The following ADAMTS9 variants were observed in gnomAD, a reference collection of about 807,000 sequenced individuals.
ADAMTS9 encodes A disintegrin and metalloproteinase with thrombospondin motifs 9.
Under a neutral mutation model 257.1 loss-of-function variants are expected in ADAMTS9, and 107 were observed. The ratio of observed to expected loss-of-function variants is 0.42; its 90% confidence interval spans 0.36 to 0.49. ADAMTS9 has a LOEUF of 0.49. Ranked by LOEUF, ADAMTS9 falls within the 20% of genes least tolerant of loss-of-function variation. The pLI, the probability that ADAMTS9 is intolerant of heterozygous loss-of-function variation, is 0.03. For synonymous variants in ADAMTS9, 982 were observed against 880.9 expected (o/e 1.11, Z -2.03); for missense variants, 2,353 against 2,469.1 (o/e 0.95, Z 1.00).
At chr3:64,666,193 A>G (rs1701351128) in intron 3 of ADAMTS9, among the ~76,000 whole-genome samples, 1 of 152,228 alleles carries the variant, frequency 6.6e-6, no homozygotes, top group African/African-American at 2.4e-5. Context: ...TAAAATGCAC[A>G]GTATGTTACT....
chr3:64,661,502 G>T (rs1046175335), intron 3 of ADAMTS9, among the ~76,000 whole-genome samples: 10 of 152,172 alleles, frequency 6.6e-5, no homozygotes. Context: ...AAGTCTCAAA[G>T]AAATTAGCAA....
intron 11 of ADAMTS9, among the ~76,000 whole-genome samples, chr3:64,645,873 T>C (rs1317605787): frequency 6.6e-6 from 1 of 152,050 alleles, no homozygotes; most frequent in Non-Finnish European, 1.5e-5. Context: ...TCCCCATCCC[T>C]CAGAAGATAG....
Position 64,539,312 on chromosome 3 carries a change from G to A in ADAMTS9, c.5522-18C>T, listed in dbSNP as rs777962741. 4 of 1,606,044 alleles carry A rather than the reference G, an allele frequency of 2.5e-6. No homozygotes were observed. The Admixed American group carries it at 5.0e-5, about 20-fold the overall frequency. ...GTCAGTGGCTGTGGGGTGGAGAAGG[G>A]GTTAAAGGCAGGGGAAGGTAAGAGT... On this transcript the variant is annotated intron_variant, in intron 36 of 39. Transcript: ENST00000498707.
intron 21 of ADAMTS9, among the ~76,000 whole-genome samples, chr3:64,613,891 A>C (rs1387345010): frequency 1.3e-5 from 2 of 152,204 alleles, no homozygotes; most frequent in African/African-American, 4.8e-5. Flanking sequence ...CTCATCTGTA[A>C]AATGAGAATT....
intron 23 of ADAMTS9, 92 bp from the exon 24 acceptor site, chr3:64,604,423 A>G (rs778965392): frequency 2.9e-5 from 27 of 916,324 alleles, no homozygotes; most frequent in Middle Eastern, 2.4e-4. Flanking sequence ...GTAAAGGCTA[A>G]GAATTCTAAG....
chr3:64,677,742 C>G (rs908508631), intron 3 of ADAMTS9, among the ~76,000 whole-genome samples: 12 of 152,154 alleles, frequency 7.9e-5, no homozygotes, highest in African/African-American at 2.7e-4. Context: ...TACATGTTAT[C>G]CTCACTTTAT....
chr3:64,551,165 C>T lies in ADAMTS9; in HGVS notation c.4699-103G>A, dbSNP rs1576007753. The T allele has an allele frequency of 3.0e-6, 4 of 1,321,576 alleles. No individual in the cohort carries two copies. The East Asian group carries it at 9.5e-5, about 31-fold the overall frequency. The allele number at this position is 1,321,576 out of a possible 1,614,324, so 81.9% of individuals were successfully genotyped here. On this transcript the variant is annotated intron_variant, in intron 30 of 39. Coordinates refer to ENST00000498707, the MANE Select transcript of ADAMTS9 (RefSeq NM_182920.2). The stretch of plus-strand genomic sequence containing the variant: ...TACATAGCCTTTAAGATCATAAGAG[C>T]CCTGAGGGCAGGGATTGCCAGAGAA...
intron 30 of ADAMTS9, among the ~76,000 whole-genome samples, chr3:64,558,780 T>C (rs1375636196): frequency 6.6e-6 from 1 of 152,146 alleles, no homozygotes; most frequent in South Asian, 2.1e-4. Flanking sequence ...ACAAGAGTTC[T>C]GAGGTGGTGG....
intron 38 of ADAMTS9, among the ~76,000 whole-genome samples, chr3:64,531,930 T>G (rs1403663796): frequency 1.3e-5 from 2 of 152,204 alleles, no homozygotes; most frequent in Non-Finnish European, 2.9e-5. Context: ...CCCCACGTTC[T>G]CAGGACTTCA....
Position 64,594,258 on chromosome 3 carries a change from C to T in ADAMTS9, c.4356G>A (p.Ser1452=), listed in dbSNP as rs749677490. ...DAAWSTGPWS[S]CSVSCGRGHK... ...CAAACATGAATAGTTAGGGCCGTACCGAGCTCCAAGGGCCAGTACTCCATG... is the reference window on the plus strand; with the variant it reads ...CAAACATGAATAGTTAGGGCCGTACTGAGCTCCAAGGGCCAGTACTCCATG... The change falls in exon 28 of 40, where the codon TCG becomes TCA. Residue 1452 remains serine (S), a splice_region_variant and synonymous_variant. Transcript: ENST00000498707. 5.0e-6 allele frequency: 8 copies of T among 1,612,666 alleles called. No individual in the cohort carries two copies. Among genetic ancestry groups the T allele is most frequent in the East Asian group, 2.2e-5 (1 of 44,828 alleles).
At chr3:64,632,478 T>C (rs1700390280) in intron 14 of ADAMTS9, among the ~76,000 whole-genome samples, 2 of 152,200 alleles carry the variant, frequency 1.3e-5, no homozygotes, top group Admixed American at 1.3e-4. Context: ...GTTTAAATAT[T>C]GGCTATGAAT....
intron 30 of ADAMTS9, among the ~76,000 whole-genome samples, chr3:64,552,928 A>C (rs1485657408): frequency 1.3e-5 from 2 of 151,826 alleles, no homozygotes; most frequent in Non-Finnish European, 2.9e-5. Flanking sequence ...TCTCTTTTTC[A>C]TCTAATGGGC....
intron 12 of ADAMTS9, among the ~76,000 whole-genome samples, chr3:64,637,629 C>T (rs953797729): frequency 3.3e-5 from 5 of 152,186 alleles, no homozygotes; most frequent in African/African-American, 1.2e-4. Context: ...TCAACTTCTA[C>T]GTTTAGGTAC....
intron 25 of ADAMTS9, 39 bp downstream of exon 25, chr3:64,603,883 C>G (rs768846836): frequency 1.9e-6 from 3 of 1,606,858 alleles, no homozygotes; most frequent in Admixed American, 3.3e-5. Context: ...CTCAATGTTT[C>G]CCCCATTCCC....
intron 28 of ADAMTS9, among the ~76,000 whole-genome samples, chr3:64,576,090 T>A (rs941674733): frequency 6.6e-6 from 1 of 152,288 alleles, no homozygotes; most frequent in South Asian, 2.1e-4. Flanking sequence ...CGTTGAAGAT[T>A]CCTTCTGTAG....
chr3:64,675,067 T>C (rs1359552968), intron 3 of ADAMTS9, among the ~76,000 whole-genome samples: 9 of 152,124 alleles, frequency 5.9e-5, no homozygotes, highest in South Asian at 2.1e-4. Context: ...ATAATTCATA[T>C]ATGAATGCAG....
intron 3 of ADAMTS9, among the ~76,000 whole-genome samples, chr3:64,664,638 G>A (rs1454619200): frequency 6.6e-6 from 1 of 152,104 alleles, no homozygotes; most frequent in Non-Finnish European, 1.5e-5. Context: ...ATATTCTACT[G>A]TATGGATATA....
Position 64,655,619 on chromosome 3 carries a change from T to G in ADAMTS9, c.1126A>C (p.Ser376Arg). 1 of 1,614,230 alleles carries G rather than the reference T, an allele frequency of 6.2e-7. No individual in the cohort carries two copies. The highest frequency in any genetic ancestry group is 8.5e-7 in the Non-Finnish European group (1 of 1,180,034). The part of the protein sequence containing the change: ...NFCQWQHSKN[S>R]PGGIHHDTAV... ...GTATCATGATGGATTCCACCTGGAC[T>G]GTTCTTCGAATGCTGCCACTGGCAA... The change falls in exon 6 of 40, where the codon AGT becomes CGT. Residue 376 changes from serine (S) to arginine (R), a missense_variant. Transcript: ENST00000498707.
chr3:64,620,146 A>G (rs1404384539), intron 19 of ADAMTS9, among the ~76,000 whole-genome samples: 1 of 152,160 alleles, frequency 6.6e-6, no homozygotes, highest in Admixed American at 6.5e-5. Context: ...CAGAGCCTTC[A>G]GTCAGAACTG....
Sources: allele counts gnomAD v4.1 joint callset (sites outside exome capture counted in the v4.1 genomes callset), GRCh38; gene constraint gnomAD v4.1.1; transcripts MANE v1.5; gene names NCBI Gene and HGNC (gene_info 2026-07-23, HGNC 2026-07-21).